The following PHF20 variants were observed in gnomAD, a reference collection of about 807,000 sequenced individuals.
PHF20 encodes the protein PHD finger protein 20.
In PHF20, 23 loss-of-function variants were observed where a neutral mutation model predicts 113.5. That is an observed-to-expected ratio of 0.20 (90% confidence interval 0.15 to 0.29). The LOEUF is 0.29. Ranked by LOEUF, PHF20 falls within the 10% of genes least tolerant of loss-of-function variation. The pLI is 1.00. For missense variants in PHF20, 943 were observed against 1,219.6 expected (o/e 0.77, Z 3.38); for synonymous variants, 434 against 457.3 (o/e 0.95, Z 0.65).
At chr20:35,875,268 C>G (rs2054498898) in intron 9 of PHF20, among the ~76,000 whole-genome samples, 1 of 151,946 alleles carries the variant, frequency 6.6e-6, no homozygotes, top group South Asian at 2.1e-4. Flanking sequence ...CTTGGTGGCG[C>G]ACGCCTGTAG....
intron 16 of PHF20, among the ~76,000 whole-genome samples, chr20:35,939,656 T>C (rs1008551746): frequency 6.6e-6 from 1 of 152,210 alleles, no homozygotes; most frequent in African/African-American, 2.4e-5. Flanking sequence ...CATTCTCTTC[T>C]AGAACCCCCT....
intron 4 of PHF20, chr20:35,853,232 A>AAAG (rs796068020): frequency 0.044 from 6,702 of 150,634 alleles, 204 homozygotes; most frequent in African/African-American, 0.092. Flanking sequence ...AAAAAAAAAA[A>AAAG]AAAAGAAAGA....
chr20:35,931,965 G>A (rs376605160), intron 15 of PHF20, among the ~76,000 whole-genome samples: 4 of 151,968 alleles, frequency 2.6e-5, no homozygotes, highest in African/African-American at 9.6e-5. Context: ...AAAAAAAAGA[G>A]TTCATTGAAT....
At chr20:35,916,217 T>A (rs1172815761) in intron 12 of PHF20, among the ~76,000 whole-genome samples, 1 of 152,268 alleles carries the variant, frequency 6.6e-6, no homozygotes, top group Non-Finnish European at 1.5e-5. Context: ...AGTATTTGCT[T>A]TTGCAATAAT....
chr20:35,775,549 T>C (rs1057175140), intron 1 of PHF20, among the ~76,000 whole-genome samples: 1 of 151,420 alleles, frequency 6.6e-6, no homozygotes, highest in Non-Finnish European at 1.5e-5. Context: ...AGGTCAGGAG[T>C]TCGAGACCAG....
chr20:35,908,829 C>T (rs974489334), intron 10 of PHF20, among the ~76,000 whole-genome samples: 3 of 152,102 alleles, frequency 2.0e-5, no homozygotes, highest in African/African-American at 7.2e-5. Context: ...TTTCAAATTC[C>T]AGTTATTCAT....
intron 9 of PHF20, among the ~76,000 whole-genome samples, chr20:35,884,336 G>A (rs2054687164): frequency 6.6e-6 from 1 of 152,138 alleles, no homozygotes; most frequent in East Asian, 1.9e-4. Context: ...TGGTGTGAAG[G>A]AGGCTCATGG....
Position 35,914,104 on chromosome 20 carries a change from A to G in PHF20, c.1732A>G (p.Arg578Gly). ...PSPPKAFAVT[R>G]CGSSHKPGVH... Reference sequence around the variant, plus strand: ...TCCACCCAAGGCATTTGCTGTTACCAGGTGTGGGTCCTCACACAAGCCAGG... The same window carrying G: ...TCCACCCAAGGCATTTGCTGTTACCGGGTGTGGGTCCTCACACAAGCCAGG... Residue 578 changes from arginine (R) to glycine (G), a missense_variant, in exon 12 of 18, where the codon AGG (arginine) becomes GGG (glycine). Transcript: ENST00000374012. 6.2e-7 allele frequency: 1 copy of G among 1,614,136 alleles called. No individual in the cohort carries two copies. The highest frequency in any genetic ancestry group is 8.5e-7 in the Non-Finnish European group (1 of 1,179,982).
intron 15 of PHF20, among the ~76,000 whole-genome samples, chr20:35,935,823 G>A (rs570597449): frequency 6.6e-6 from 1 of 152,358 alleles, no homozygotes; most frequent in African/African-American, 2.4e-5. Flanking sequence ...AAAGGGGAAG[G>A]TGGCCCCAGT....
intron 6 of PHF20, among the ~76,000 whole-genome samples, chr20:35,864,359 C>A (rs930525779): frequency 2.0e-5 from 3 of 150,164 alleles, no homozygotes; most frequent in Non-Finnish European, 4.4e-5. Flanking sequence ...TTGCTTGAGC[C>A]CAAGAATTCC....
At chr20:35,786,117 G>C (rs2041407607) in intron 1 of PHF20, among the ~76,000 whole-genome samples, 1 of 151,984 alleles carries the variant, frequency 6.6e-6, no homozygotes, top group African/African-American at 2.4e-5. Flanking sequence ...AGCTGGGCGT[G>C]GTGGCTCACG....
chr20:35,933,788 C>T (rs1397865598), intron 15 of PHF20, among the ~76,000 whole-genome samples: 1 of 152,200 alleles, frequency 6.6e-6, no homozygotes, highest in Non-Finnish European at 1.5e-5. Flanking sequence ...CCATCTCGGC[C>T]TCCCAAAGTG....
At chr20:35,875,574 T>G (rs2146999584) in intron 9 of PHF20, among the ~76,000 whole-genome samples, 1 of 152,210 alleles carries the variant, frequency 6.6e-6, no homozygotes, top group African/African-American at 2.4e-5. Context: ...GTGTCAGGGC[T>G]CTTTTCTTCC....
chr20:35,874,322 T>C (rs934497139), intron 9 of PHF20, among the ~76,000 whole-genome samples: 1 of 152,226 alleles, frequency 6.6e-6, no homozygotes, highest in African/African-American at 2.4e-5. Flanking sequence ...CTTTACACAA[T>C]TATGTATGTT....
At chr20:35,916,951 A>T (rs537785223) in intron 12 of PHF20, among the ~76,000 whole-genome samples, 65 of 151,436 alleles carry the variant, frequency 4.3e-4, no homozygotes, top group African/African-American at 1.6e-3. Context: ...TTTAGTGGAG[A>T]TGGGGTTTTG....
At position 35,871,023 on chromosome 20, in the gene PHF20, C is replaced by G. The variant is rs1169189569; in HGVS notation, c.991C>G (p.Leu331Val). The G allele has an allele frequency of 6.2e-6, 10 of 1,611,856 alleles. No homozygotes were observed. Among genetic ancestry groups the G allele is most frequent in the Non-Finnish European group, 8.5e-6 (10 of 1,179,440 alleles). The change falls in exon 8 of 18, where the codon CTG becomes GTG. Residue 331 changes from leucine (L) to valine (V), a missense_variant. Leu to Val is a conservative substitution (Grantham distance 32). Around this residue, in one of 3 missense-constraint regions of PHF20, gnomAD observed 592 missense variants for 787.2 expected, o/e 0.75. Coordinates refer to ENST00000374012, the MANE Select transcript of PHF20 (RefSeq NM_016436.5). ...CTTATCGAGGAGACGTTCCTCCAGG[C>G]TGTCCACTAATGGGACCCATGAGAT... The part of the protein sequence containing the change: ...KDLSRRRSSR[L>V]STNGTHEILD...
intron 1 of PHF20, chr20:35,782,676 C>A (rs2041325858): frequency 6.6e-6 from 1 of 152,158 alleles, no homozygotes. Flanking sequence ...GTATTTGCCA[C>A]TCTCTTGGGG....
Position 35,847,431 on chromosome 20 carries a change from G to A in PHF20, c.337G>A (p.Asp113Asn). The A allele has an allele frequency of 3.1e-6, 5 of 1,606,712 alleles. 1 individual carries two copies. In the South Asian group the frequency reaches 5.5e-5, roughly 18 times the overall value. The change falls in exon 4 of 18, where the codon GAT becomes AAT. Residue 113 changes from aspartate to asparagine, a missense_variant. Asp to Asn is a conservative substitution (Grantham distance 23). Transcript: ENST00000374012. The part of the protein sequence containing the change: ...YPAKVTAVNK[D>N]GTYTVKFYDG... Reference sequence around the variant, plus strand: ...GGCCAAAGTCACTGCTGTTAACAAGGATGGTAAGGCATTTGAGTTGTAGTT... The same window carrying A: ...GGCCAAAGTCACTGCTGTTAACAAGAATGGTAAGGCATTTGAGTTGTAGTT...
intron 9 of PHF20, among the ~76,000 whole-genome samples, chr20:35,894,294 T>G (rs1317919469): frequency 6.6e-6 from 1 of 152,240 alleles, no homozygotes; most frequent in African/African-American, 2.4e-5. Flanking sequence ...GTATTTTATA[T>G]TTGAAATGAT....
Sources: gnomAD v4.1 joint callset for allele counts (sites outside exome capture counted in the v4.1 genomes callset) on GRCh38, gnomAD v4.1.1 for gene constraint, gnomAD v4.1.1 regional missense constraint, MANE v1.5 for transcripts, NCBI Gene and HGNC (gene_info 2026-07-23, HGNC 2026-07-21) for gene names.